SLC11A2: variants seen among roughly 807,000 people sequenced by gnomAD.
SLC11A2 encodes the protein natural resistance-associated macrophage protein 2.
A neutral mutation model predicts 68.0 loss-of-function variants in SLC11A2; 38 were observed. The observed-to-expected ratio is 0.56, with a 90% confidence interval of 0.43 to 0.73. The LOEUF (loss-of-function observed/expected upper bound fraction) is 0.73. Ranked by LOEUF, SLC11A2 falls within the 30% of genes least tolerant of loss-of-function variation. The pLI, the probability that SLC11A2 is intolerant of heterozygous loss-of-function variation, is 0.00. For synonymous variants in SLC11A2, 242 were observed against 250.6 expected, an observed-to-expected ratio of 0.97 and a Z score of 0.32; for missense variants, 517 against 690.5, an observed-to-expected ratio of 0.75 and a Z score of 2.82.
At position 50,988,404 on chromosome 12, in the gene SLC11A2, G is replaced by A; in HGVS notation, c.1607C>T (p.Ser536Phe). 6.2e-7 allele frequency: 1 copy of A among 1,614,012 alleles called. No individual in the cohort carries two copies. Among genetic ancestry groups the A allele is most frequent in the South Asian group, 1.1e-5 (1 of 91,082 alleles). Residue 536 changes from serine to phenylalanine, a missense_variant, in exon 16 of 16, where the codon TCC becomes TTC. Physicochemically the swap from Ser to Phe is radical, Grantham distance 155. Coordinates refer to ENST00000262052, the MANE Select transcript of SLC11A2 (RefSeq NM_000617.3). ...TACCGTATGCCCACAGTCCAGGAAG[G>A]ACATGCCCAGTGCAATCAAACATTG... ...GWQCLIALGMSFLDCGHTVSI... is the reference protein window; with the variant it reads ...GWQCLIALGMFFLDCGHTVSI...
intron 1 of SLC11A2, among the ~76,000 whole-genome samples, chr12:51,011,125 T>C (rs1307526681): frequency 2.3e-5 from 1 of 43,456 alleles, no homozygotes; most frequent in Non-Finnish European, 4.2e-5. Flanking sequence ...GCAAATACCA[T>C]TTTTTTTTTT....
At chr12:51,020,712 C>T (rs1226480466) in intron 1 of SLC11A2, among the ~76,000 whole-genome samples, 5 of 152,112 alleles carry the variant, frequency 3.3e-5, no homozygotes, top group South Asian at 4.1e-4. Flanking sequence ...GGGGAAAAAA[C>T]GGTTGCTTGT....
In SLC11A2 at chr12:50,990,936, A is replaced by G. The variant is rs1382044937; in HGVS notation, c.1434T>C (p.Ile478=). ...SDFANGLGWR[I]AGGILVLIIC... is the part of the protein sequence containing the mutation. ...TGATAAGGACCAAGATTCCTCCTGC[A>G]ATCCGCCAGCCTCTGTAAAAGAAAT... is the stretch of plus-strand genomic sequence containing the variant. The change falls in exon 15 of 16, where the codon ATT becomes ATC. Residue 478 remains isoleucine (I), a synonymous_variant. Coordinates refer to ENST00000262052, the MANE Select transcript of SLC11A2 (RefSeq NM_000617.3). 1 of 1,614,064 alleles carries G rather than the reference A, an allele frequency of 6.2e-7. No homozygotes were observed. Among genetic ancestry groups the G allele is most frequent in the East Asian group, 2.2e-5 (1 of 44,868 alleles).
At chr12:51,010,142 C>G (rs1466939025) in intron 2 of SLC11A2, among the ~76,000 whole-genome samples, 1 of 152,030 alleles carries the variant, frequency 6.6e-6, no homozygotes, top group South Asian at 2.1e-4. Flanking sequence ...CGACACAGTG[C>G]CACTGAACAC....
downstream of SLC11A2, among the ~76,000 whole-genome samples, chr12:50,977,343 A>G (rs1328722562): frequency 6.6e-6 from 1 of 152,210 alleles, no homozygotes; most frequent in African/African-American, 2.4e-5. Flanking sequence ...ATAATACCAC[A>G]CATCTACAAC....
At chr12:50,960,077 G>A in the SLC11A2 span, among the ~76,000 whole-genome samples, 1 of 152,268 alleles carries the variant, frequency 6.6e-6, no homozygotes, top group Non-Finnish European at 1.5e-5. Context: ...ACAGAATCTT[G>A]GTTGTCACAG....
the SLC11A2 span, chr12:50,961,059 G>T: frequency 6.2e-7 from 1 of 1,612,484 alleles, no homozygotes; most frequent in Non-Finnish European, 8.5e-7. Context: ...TTATTCACAT[G>T]AGAGTTGCTG....
chr12:51,010,048 G>A (rs909290631), intron 2 of SLC11A2, among the ~76,000 whole-genome samples: 4 of 151,970 alleles, frequency 2.6e-5, no homozygotes, highest in African/African-American at 9.7e-5. Context: ...GCCGGGCGTG[G>A]CGGCAGGTGC....
At chr12:51,028,413 T>C, upstream of SLC11A2, 1 of 499,320 alleles carries the variant, frequency 2.0e-6, no homozygotes, top group African/African-American at 1.9e-5. Flanking sequence ...ATCTTTGACC[T>C]GTCGTGAAAA....
chr12:51,019,151 T>A (rs1399405839), intron 1 of SLC11A2, among the ~76,000 whole-genome samples: 1 of 152,226 alleles, frequency 6.6e-6, no homozygotes, highest in Non-Finnish European at 1.5e-5. Flanking sequence ...CAGGCACTGT[T>A]CAGTGCCAGA....
At chr12:51,009,263 A>G (rs1943007757) in intron 2 of SLC11A2, 3 of 1,304,924 alleles carry the variant, frequency 2.3e-6, no homozygotes, top group Non-Finnish European at 2.9e-6. Flanking sequence ...TAAGGCTTGC[A>G]GTAAAGTGCC....
At chr12:51,014,992 C>G (rs1943522557) in intron 1 of SLC11A2, among the ~76,000 whole-genome samples, 1 of 151,142 alleles carries the variant, frequency 6.6e-6, no homozygotes, top group South Asian at 2.1e-4. Flanking sequence ...GAAACCCCAT[C>G]TCTACTAAAA....
In SLC11A2 at chr12:51,008,518, G is replaced by C. The variant is rs549517700; in HGVS notation, c.141C>G (p.Phe47Leu). The change falls in exon 3 of 16, where the codon TTC (phenylalanine) becomes TTG (leucine). Residue 47 changes from phenylalanine to leucine, a missense_variant. Physicochemically the swap from Phe to Leu is conservative, Grantham distance 22. Transcript: ENST00000262052. ...AGATCTTCTCATTAAAGTAAGTGGC[G>C]AAGTACTCCTCTGAGTCCCCAGGGG... ...SQSPGDSEEY[F>L]ATYFNEKISI... 1 of 1,613,152 alleles carries C rather than the reference G, an allele frequency of 6.2e-7. No homozygotes were observed. The highest frequency in any genetic ancestry group is 1.1e-5 in the South Asian group (1 of 91,052).
chr12:51,021,819 A>C (rs967843909), intron 1 of SLC11A2, among the ~76,000 whole-genome samples: 3 of 152,162 alleles, frequency 2.0e-5, no homozygotes, highest in Non-Finnish European at 2.9e-5. Context: ...GGAAGATGTA[A>C]GGAGGAAGAG....
intron 1 of SLC11A2, among the ~76,000 whole-genome samples, chr12:51,025,248 A>C (rs1385398469): frequency 1.3e-4 from 20 of 152,216 alleles, no homozygotes; most frequent in Admixed American, 1.3e-3. Flanking sequence ...ATTCTTTAGA[A>C]GTGTTAAGGG....
At chr12:50,990,140 T>G (rs1186210775) in intron 15 of SLC11A2, among the ~76,000 whole-genome samples, 1 of 151,558 alleles carries the variant, frequency 6.6e-6, no homozygotes, top group Non-Finnish European at 1.5e-5. Context: ...CTTTTTCATG[T>G]AGCTATAGTT....
chr12:50,997,027 C>T (rs1941764405), intron 8 of SLC11A2, 55 bp from the exon 9 acceptor site: 2 of 1,406,174 alleles, frequency 1.4e-6, no homozygotes, highest in African/African-American at 1.4e-5. Context: ...ACGGGAGTAA[C>T]ATAGTACCAG....
chr12:50,985,976 T>A (rs1940499917), downstream of SLC11A2: 5 of 1,147,366 alleles, frequency 4.4e-6, no homozygotes, highest in Non-Finnish European at 5.4e-6. Flanking sequence ...GTTAAAAAAA[T>A]ACCCAGGAAA....
the SLC11A2 span, among the ~76,000 whole-genome samples, chr12:50,962,348 T>A: frequency 2.7e-4 from 40 of 150,024 alleles, no homozygotes; most frequent in East Asian, 4.3e-3. Context: ...GAGGTGGAGG[T>A]TGCAGTGAGC....
Sources: gnomAD v4.1 joint callset for allele counts (sites outside exome capture counted in the v4.1 genomes callset) on GRCh38, gnomAD v4.1.1 for gene constraint, MANE v1.5 for transcripts, NCBI Gene and HGNC (gene_info 2026-07-23, HGNC 2026-07-21) for gene names.